NKX2-1: variants seen among roughly 807,000 people sequenced by gnomAD.
NKX2-1 encodes NK2 homeobox 1.
Under a neutral mutation model 35.1 loss-of-function variants are expected in NKX2-1, and 9 were observed. The ratio of observed to expected loss-of-function variants is 0.26; its 90% CI spans 0.15 to 0.45. The LOEUF is 0.45. Among genes scored for constraint, NKX2-1 ranks in the 20% least tolerant of loss-of-function variants. The pLI, the probability that NKX2-1 is intolerant of heterozygous loss-of-function variation, is 1.00. For synonymous variants in NKX2-1, 284 were observed against 269.9 expected, an observed-to-expected ratio of 1.05 and a Z score of -0.51; for missense variants, 509 against 589.1, an observed-to-expected ratio of 0.86 and a Z score of 1.41.
At chr14:36,518,884 G>C (rs1881194279) in intron 2 of NKX2-1, 101 bp downstream of exon 2, 1 of 1,370,326 alleles carries the variant, frequency 7.3e-7, no homozygotes. Context: ...CGCCCTCCCT[G>C]ATGCCCAGCG....
rs1183018144 is a variant in NKX2-1, at chr14:36,517,536, C to G, written c.948G>C (p.Ala316=). ...GCGCCTGGTGCTGCGCCTGCTGCTG[C>G]GCGTGGCCTTGTAGGCTGGCGGCGC... ...APGAASLQGH[A]QQQAQHQAQA... The change falls in exon 3 of 3, where the codon GCG becomes GCC. Residue 316 remains alanine, a synonymous_variant. Transcript: ENST00000354822. The G allele has an allele frequency of 6.3e-6, 9 of 1,430,740 alleles. No individual in the cohort carries two copies. The highest frequency in any genetic ancestry group is 1.5e-5 in the South Asian group (1 of 67,816). 88.6% of individuals were successfully genotyped at this position (1,430,740 alleles called of 1,614,324 possible). A position where few individuals can be genotyped will look rare whatever the true frequency, so the allele number is the denominator to read the frequency against.
chr14:36,519,593 C>A, intron 1 of NKX2-1: 1 of 1,533,788 alleles, frequency 6.5e-7, no homozygotes, highest in Non-Finnish European at 8.7e-7. Context: ...TAGGCAGCCA[C>A]CAGAGGCGGG....
At position 36,517,776 on chromosome 14, in the gene NKX2-1, C is replaced by A; in HGVS notation, c.708G>T (p.Lys236Asn). 1 of 1,612,668 alleles carries A rather than the reference C, an allele frequency of 6.2e-7. No individual in the cohort carries two copies. Among genetic ancestry groups the A allele is most frequent in the Middle Eastern group, 1.9e-4 (1 of 5,346 alleles). Reference protein sequence around the residue: ...SMIHLTPTQVKIWFQNHRYKM... With the variant: ...SMIHLTPTQVNIWFQNHRYKM... ...TGTAGCGGTGGTTCTGGAACCAGAT[C>A]TTGACCTGCGTGGGCGTCAGGTGGA... is the stretch of plus-strand genomic sequence containing the variant. Residue 236 changes from lysine to asparagine, a missense_variant, in exon 3 of 3, where the codon AAG becomes AAT. By Grantham distance (94) the Lys-to-Asn change is moderately conservative. This residue lies in a region of NKX2-1 where 11 missense variants were observed against 31.9 expected (regional missense o/e 0.35). Coordinates refer to ENST00000354822, the MANE Select transcript of NKX2-1 (RefSeq NM_001079668.3).
chr14:36,520,004 G>C (rs768098744), intron 1 of NKX2-1, 49 bp downstream of exon 1: 11 of 1,609,332 alleles, frequency 6.8e-6, no homozygotes, highest in South Asian at 5.5e-5. Context: ...CCCCGGGCAC[G>C]GACAGGTCTT....
Position 36,519,998 on chromosome 14 carries a change from G to A in NKX2-1, c.77+55C>T, listed in dbSNP as rs555458391. On this transcript the variant is annotated intron_variant, in intron 1 of 2. Coordinates refer to ENST00000354822, the MANE Select transcript of NKX2-1 (RefSeq NM_001079668.3). ...CTTTCCAATTCGGTCGGGGTTCCCC[G>A]GGCACGGACAGGTCTTTAGGAGGAG... 2.1e-5 allele frequency: 34 copies of A among 1,605,890 alleles called. 1 individual carries two copies. The highest frequency in any genetic ancestry group is 2.0e-4 in the South Asian group (18 of 90,816).
At chr14:36,518,739 C>T (rs954310308) in intron 2 of NKX2-1, among the ~76,000 whole-genome samples, 1 of 152,220 alleles carries the variant, frequency 6.6e-6, no homozygotes, top group Non-Finnish European at 1.5e-5. Flanking sequence ...CAGTCCACCG[C>T]GCCTAGGAGA....
In NKX2-1 at chr14:36,519,040, G is replaced by A. The variant is rs763624520; in HGVS notation, c.408C>T (p.Asn136=). The A allele has an allele frequency of 6.3e-7, 1 of 1,596,742 alleles. No homozygotes were observed. The highest frequency in any genetic ancestry group is 8.5e-7 in the Non-Finnish European group (1 of 1,177,868). ...CGTACCATCCGGGGCCAGAGGCGCT[G>A]TTCCTCATGGTGTCCTGGTACGGCG... is the stretch of plus-strand genomic sequence containing the variant. The part of the protein sequence containing the change: ...ELPPYQDTMR[N]SASGPGWYGA... Residue 136 remains asparagine (N), a synonymous_variant, in exon 2 of 3, where the codon AAC becomes AAT. Coordinates refer to ENST00000354822, the MANE Select transcript of NKX2-1 (RefSeq NM_001079668.3).
At chr14:36,520,021 G>T (rs777264286) in intron 1 of NKX2-1, 32 bp downstream of exon 1, 5 of 1,612,586 alleles carry the variant, frequency 3.1e-6, no homozygotes, top group Middle Eastern at 1.7e-4. Flanking sequence ...TCTTTAGGAG[G>T]AGGGGGCTGA....
Position 36,520,152 on chromosome 14 carries a change from C to T in NKX2-1, c.-23G>A, listed in dbSNP as rs1282996210. 2.5e-6 allele frequency: 4 copies of T among 1,612,146 alleles called. No homozygotes were observed. Among genetic ancestry groups the T allele is most frequent in the South Asian group, 1.1e-5 (1 of 90,942 alleles). Reference sequence around the variant, plus strand: ...CATCGGGCTTCGCTGCGCTGAGCCCCAGTCGCCAACAAATGAGCGAGCGAG... The same window carrying T: ...CATCGGGCTTCGCTGCGCTGAGCCCTAGTCGCCAACAAATGAGCGAGCGAG... On this transcript the variant is annotated 5_prime_UTR_variant, in exon 1 of 3. Coordinates refer to ENST00000354822, the MANE Select transcript of NKX2-1 (RefSeq NM_001079668.3).
rs2139411779 is a variant in NKX2-1, at chr14:36,519,102, A to G, written c.346T>C (p.Tyr116His). ...ATGTTGCCCAGGTTGCCGTTGCAGT[A>G]GCCCCCCACGGCGGAGTGCGAGAGC... ...PQLSHSAVGGYCNGNLGNMSE... is the reference protein window; with the variant it reads ...PQLSHSAVGGHCNGNLGNMSE... Residue 116 changes from tyrosine (Y) to histidine (H), a missense_variant, in exon 2 of 3, where the codon TAC becomes CAC. Physicochemically the swap from Tyr to His is moderately conservative, Grantham distance 83 (BLOSUM62 2). This residue lies in a region of NKX2-1 where 271 missense variants were observed against 284.1 expected (regional missense o/e 0.95). Transcript: ENST00000354822. 1.9e-6 allele frequency: 3 copies of G among 1,604,156 alleles called. No homozygotes were observed. Among genetic ancestry groups the G allele is most frequent in the Non-Finnish European group, 2.5e-6 (3 of 1,179,356 alleles).
chr14:36,520,164 A>C lies in NKX2-1; in HGVS notation c.-35T>G, dbSNP rs1478574936. On this transcript the variant is annotated 5_prime_UTR_variant, in exon 1 of 3. It adds an upstream start codon to the 5' untranslated region. Transcript: ENST00000354822. ...CTGCGCTGAGCCCCAGTCGCCAACA[A>C]ATGAGCGAGCGAGTCTGGGGACGAA... 2 of 1,610,582 alleles carry C rather than the reference A, an allele frequency of 1.2e-6. No homozygotes were observed. The highest frequency in any genetic ancestry group is 1.7e-6 in the Non-Finnish European group (2 of 1,179,252).
chr14:36,516,817 C>CAAAA lies in NKX2-1; in HGVS notation c.*457_*460dup, dbSNP rs5807883. Reference sequence around the variant, plus strand: ...CTCTCCCCAGCTCCCGTCCTCCCTTCAAAAAAAAAAAAAAATCCTGGTATT... The same window carrying CAAAA: ...CTCTCCCCAGCTCCCGTCCTCCCTTCAAAAAAAAAAAAAAAAAAATCCTGGTATT... On this transcript the variant is annotated 3_prime_UTR_variant, in exon 3 of 3. Coordinates refer to ENST00000354822, the MANE Select transcript of NKX2-1 (RefSeq NM_001079668.3). 9.2e-6 allele frequency: 2 copies of CAAAA among 216,950 alleles called. No homozygotes were observed. The highest frequency in any genetic ancestry group is 1.8e-5 in the Non-Finnish European group (2 of 111,846). 13.4% of individuals were successfully genotyped at this position (216,950 alleles called of 1,614,324 possible).
rs1464141143 is a variant in NKX2-1, at chr14:36,520,220, T to A, written c.-91A>T. ...GGGCCGCACTGTTGGTCTACGTGTCTGTCAGTCTGTCTGCCTCTCTTCTGC... is the reference window on the plus strand; with the variant it reads ...GGGCCGCACTGTTGGTCTACGTGTCAGTCAGTCTGTCTGCCTCTCTTCTGC... On this transcript the variant is annotated 5_prime_UTR_variant, in exon 1 of 3. Coordinates refer to ENST00000354822, the MANE Select transcript of NKX2-1 (RefSeq NM_001079668.3). The A allele has an allele frequency of 6.0e-5, 93 of 1,559,218 alleles. No homozygotes were observed. Among genetic ancestry groups the A allele is most frequent in the Non-Finnish European group, 8.0e-5 (92 of 1,156,882 alleles).
At chr14:36,519,804 G>T (rs894877912) in intron 1 of NKX2-1, 34 of 1,414,368 alleles carry the variant, frequency 2.4e-5, no homozygotes, top group Non-Finnish European at 3.1e-5. Flanking sequence ...TTTTTGTGGG[G>T]TACCAGCGGA....
chr14:36,519,526 G>T (rs1881244423), intron 1 of NKX2-1, 156 bp from the exon 2 acceptor site: 1 of 1,536,400 alleles, frequency 6.5e-7, no homozygotes, highest in Admixed American at 2.0e-5. Flanking sequence ...CTCCTTAATT[G>T]GCTTGAGTGG....
chr14:36,519,732 A>G (rs1438529097), intron 1 of NKX2-1: 1 of 1,493,112 alleles, frequency 6.7e-7, no homozygotes, highest in African/African-American at 1.4e-5. Context: ...AAAGAGAGAG[A>G]GAGAGAGGCA....
intron 2 of NKX2-1, among the ~76,000 whole-genome samples, 193 bp downstream of exon 2, chr14:36,518,792 A>C (rs1881187893): frequency 6.6e-6 from 1 of 152,110 alleles, no homozygotes; most frequent in South Asian, 2.1e-4. Flanking sequence ...AGCGCTACCA[A>C]GTGCCTGTTC....
At chr14:36,518,199 G>T (rs1024936790) in intron 2 of NKX2-1, among the ~76,000 whole-genome samples, 179 bp from the exon 3 acceptor site, 2 of 152,024 alleles carry the variant, frequency 1.3e-5, no homozygotes, top group Admixed American at 1.3e-4. Context: ...GCCCCAGGCC[G>T]TACCGTCGAG....
At chr14:36,518,759 C>T (rs1490235785) in intron 2 of NKX2-1, among the ~76,000 whole-genome samples, 1 of 152,326 alleles carries the variant, frequency 6.6e-6, no homozygotes, top group South Asian at 2.1e-4. Context: ...ACGCCGAGTA[C>T]CCGCATCTGA....
Sources: gnomAD v4.1 joint callset for allele counts (sites outside exome capture counted in the v4.1 genomes callset) on GRCh38, gnomAD v4.1.1 for gene constraint, gnomAD v4.1.1 regional missense constraint, MANE v1.5 for transcripts, NCBI Gene and HGNC (gene_info 2026-07-23, HGNC 2026-07-21) for gene names.